The following TCF7L2 variants were observed in gnomAD, a reference collection of about 807,000 sequenced individuals.
The protein encoded by TCF7L2 is transcription factor 7 like 2.
A neutral mutation model predicts 77.9 loss-of-function variants in TCF7L2; 23 were observed. That is an observed-to-expected ratio of 0.30 (90% CI 0.21 to 0.42). TCF7L2 has a LOEUF of 0.42. Ranked by LOEUF, TCF7L2 falls within the 10% of genes least tolerant of loss-of-function variation. The probability of loss-of-function intolerance (pLI) is 1.00; values close to 1 mark genes in which losing one functional copy is unlikely to be tolerated. For synonymous variants in TCF7L2, 413 were observed against 340.2 expected, an observed-to-expected ratio of 1.21 and a Z score of -2.36; for missense variants, 654 against 793.1, an observed-to-expected ratio of 0.82 and a Z score of 2.11.
rs1210659933 is a variant in TCF7L2, at chr10:113,102,131, A to C, written c.553-39053A>C. Among the ~76,000 whole-genome samples, 502 of 149,284 alleles carry C rather than the reference A, an allele frequency of 3.4e-3. 12 individuals are homozygous for C. Among genetic ancestry groups the C allele is most frequent in the Admixed American group, 0.012 (184 of 15,034 alleles). On this transcript the variant is annotated intron_variant, in intron 5 of 13. Transcript: ENST00000627217. ...TCCATCAAAAAAAAAAAAAAAAAAA[A>C]AAAAAAAAAAAGTGAGAAAGAATGT...
intron 5 of TCF7L2, among the ~76,000 whole-genome samples, chr10:113,116,309 A>G (rs915267798): frequency 2.6e-5 from 4 of 152,228 alleles, no homozygotes; most frequent in Non-Finnish European, 4.4e-5. Flanking sequence ...GTTATTGCAT[A>G]CAATTCCTAA....
intron 4 of TCF7L2, among the ~76,000 whole-genome samples, chr10:113,008,925 T>C (rs549606950): frequency 5.9e-5 from 9 of 152,126 alleles, no homozygotes; most frequent in Non-Finnish European, 8.8e-5. Flanking sequence ...CTTCTATAAA[T>C]CTCATCTTTT....
intron 5 of TCF7L2, among the ~76,000 whole-genome samples, chr10:113,054,754 T>G (rs2055067511): frequency 6.6e-6 from 1 of 152,206 alleles, no homozygotes; most frequent in African/African-American, 2.4e-5. Flanking sequence ...CTATTTATAT[T>G]AACGTATGTA....
At chr10:112,979,856 T>C (rs1417300233) in intron 4 of TCF7L2, among the ~76,000 whole-genome samples, 2 of 152,194 alleles carry the variant, frequency 1.3e-5, no homozygotes, top group Non-Finnish European at 2.9e-5. Context: ...TAGTTACCAG[T>C]AGAATGTACG....
intron 4 of TCF7L2, among the ~76,000 whole-genome samples, chr10:112,983,474 C>T (rs2040885334): frequency 2.0e-5 from 3 of 152,068 alleles, no homozygotes; most frequent in East Asian, 3.9e-4. Context: ...GACTCTGTCT[C>T]AAATAAATAA....
chr10:113,141,403 T>C, intron 6 of TCF7L2, 87 bp downstream of exon 6: 1 of 1,580,112 alleles, frequency 6.3e-7, no homozygotes, highest in South Asian at 1.2e-5. Context: ...ACCCCAGGGG[T>C]GGAGCAGTAG....
In TCF7L2 at chr10:112,950,526, A is replaced by G; in HGVS notation, c.-231A>G. On this transcript the variant is annotated 5_prime_UTR_variant, in exon 1 of 14. Transcript: ENST00000627217. ...TCGGATCCTTGGGAACGAGAGAAAA[A>G]AGAAACCCAAACTCACGCGTGCAGA... 1 of 457,126 alleles carries G rather than the reference A, an allele frequency of 2.2e-6. No homozygotes were observed. Among genetic ancestry groups the G allele is most frequent in the Non-Finnish European group, 3.8e-6 (1 of 262,282 alleles). 28.3% of individuals were successfully genotyped at this position (457,126 alleles called of 1,614,324 possible).
At chr10:112,969,119 C>G (rs953856881) in intron 4 of TCF7L2, among the ~76,000 whole-genome samples, 26 of 152,150 alleles carry the variant, frequency 1.7e-4, no homozygotes, top group African/African-American at 5.6e-4. Flanking sequence ...CTTGTTTCCC[C>G]CTTTTTCCAG....
chr10:113,102,075 C>T (rs2061709145), intron 5 of TCF7L2, among the ~76,000 whole-genome samples: 1 of 134,080 alleles, frequency 7.5e-6, no homozygotes, highest in Admixed American at 8.4e-5. Context: ...GATTGCACCA[C>T]TGCACTCCAG....
intron 5 of TCF7L2, among the ~76,000 whole-genome samples, chr10:113,041,191 A>C (rs2052382297): frequency 6.6e-6 from 1 of 152,224 alleles, no homozygotes; most frequent in African/African-American, 2.4e-5. Context: ...TTATATCACA[A>C]AATAACTTAT....
intron 5 of TCF7L2, among the ~76,000 whole-genome samples, chr10:113,049,686 C>T (rs923121869): frequency 9.2e-5 from 14 of 152,122 alleles, no homozygotes; most frequent in Non-Finnish European, 1.9e-4. Context: ...ATATCACAGA[C>T]CTCTATACTG....
intron 5 of TCF7L2, among the ~76,000 whole-genome samples, chr10:113,040,563 T>C (rs975118797): frequency 2.2e-4 from 33 of 152,334 alleles, no homozygotes; most frequent in African/African-American, 7.9e-4. Context: ...TCTTAATATT[T>C]GTTGGCAACA....
At chr10:113,059,908 G>GGT (rs145215752) in intron 5 of TCF7L2, among the ~76,000 whole-genome samples, 16 of 151,820 alleles carry the variant, frequency 1.1e-4, no homozygotes, top group African/African-American at 1.5e-4. Flanking sequence ...CCATTTTTGG[G>GGT]GTGTGTGTGT....
At position 112,950,738 on chromosome 10, in the gene TCF7L2, G is replaced by C. The variant is rs1449222692; in HGVS notation, c.-19G>C. 4.5e-6 allele frequency: 7 copies of C among 1,545,796 alleles called. No individual in the cohort carries two copies. Among genetic ancestry groups the C allele is most frequent in the Non-Finnish European group, 6.1e-6 (7 of 1,146,642 alleles). ...CCTTCATTTTTCTTCCAAAATTGCT[G>C]CTGGTGGGTGAAAAAAAAATGCCGC... On this transcript the variant is annotated 5_prime_UTR_variant, in exon 1 of 14. Coordinates refer to ENST00000627217, the MANE Select transcript of TCF7L2 (RefSeq NM_001146274.2).
chr10:113,146,592 G>A (rs965298606), intron 8 of TCF7L2, among the ~76,000 whole-genome samples: 24 of 150,846 alleles, frequency 1.6e-4, no homozygotes, highest in African/African-American at 5.1e-4. Flanking sequence ...TTTAAATTTC[G>A]TAGTAGCCGT....
chr10:113,130,471 G>A (rs1480189661), intron 5 of TCF7L2, among the ~76,000 whole-genome samples: 1 of 152,214 alleles, frequency 6.6e-6, no homozygotes, highest in African/African-American at 2.4e-5. Flanking sequence ...TAGCAGGGCT[G>A]TGTAAACTGT....
At chr10:112,963,247 G>T (rs891026485) in intron 3 of TCF7L2, among the ~76,000 whole-genome samples, 1 of 152,056 alleles carries the variant, frequency 6.6e-6, no homozygotes, top group Non-Finnish European at 1.5e-5. Context: ...TACTACCCTT[G>T]TGTTTATTTT....
At chr10:113,142,289 C>T (rs1294315933) in intron 6 of TCF7L2, among the ~76,000 whole-genome samples, 1 of 152,194 alleles carries the variant, frequency 6.6e-6, no homozygotes, top group Non-Finnish European at 1.5e-5. Flanking sequence ...CACACCCAGC[C>T]CAGCATCCCC....
chr10:113,011,263 A>G (rs2046401252), intron 4 of TCF7L2, among the ~76,000 whole-genome samples: 1 of 152,224 alleles, frequency 6.6e-6, no homozygotes, highest in Non-Finnish European at 1.5e-5. Context: ...AGGAATCAGC[A>G]TGAACAAAAG....
Sources: allele counts gnomAD v4.1 joint callset (sites outside exome capture counted in the v4.1 genomes callset), GRCh38; gene constraint gnomAD v4.1.1; transcripts MANE v1.5; gene names NCBI Gene and HGNC (gene_info 2026-07-23, HGNC 2026-07-21).